Variants in MAF observed in about 807,000 individuals in gnomAD.
MAF encodes the protein MAF bZIP transcription factor, also known as transcription factor Maf.
MAF carries 10 observed loss-of-function variants against 22.0 expected under a neutral mutation model. The observed-to-expected ratio is 0.45, with a 90% CI of 0.28 to 0.77. The LOEUF is 0.77. Ranked by LOEUF, MAF falls within the 30% of genes least tolerant of loss-of-function variation. The pLI, the probability that MAF is intolerant of heterozygous loss-of-function variation, is 0.12. For synonymous variants in MAF, 337 were observed against 255.8 expected (o/e 1.32, Z -3.03); for missense variants, 544 against 548.4 (o/e 0.99, Z 0.08).
chr16:79,207,032 T>C, the MAF span, among the ~76,000 whole-genome samples: 7 of 152,314 alleles, frequency 4.6e-5, no homozygotes, highest in African/African-American at 4.8e-5. Context: ...GGAGATGACC[T>C]CTGCACTGTT....
the MAF span, among the ~76,000 whole-genome samples, chr16:79,564,345 G>A: frequency 2.0e-5 from 3 of 152,188 alleles, no homozygotes; most frequent in Non-Finnish European, 2.9e-5. Context: ...CGGGGGAGAA[G>A]GAAAGAAGAA....
chr16:79,483,835 T>C, the MAF span, among the ~76,000 whole-genome samples: 1 of 152,208 alleles, frequency 6.6e-6, no homozygotes, highest in South Asian at 2.1e-4. Context: ...AAATAAGCAA[T>C]GTGATGGTGG....
the MAF span, among the ~76,000 whole-genome samples, chr16:79,356,002 C>T: frequency 6.6e-6 from 1 of 152,226 alleles, no homozygotes; most frequent in Middle Eastern, 3.4e-3. Flanking sequence ...TTCTCCTCCC[C>T]GGAGAGCCTC....
the MAF span, among the ~76,000 whole-genome samples, chr16:79,351,784 C>A: frequency 6.6e-6 from 1 of 152,234 alleles, no homozygotes; most frequent in African/African-American, 2.4e-5. Context: ...GGGCAGAAGC[C>A]TGGAACGGCA....
At chr16:79,309,929 C>A in the MAF span, among the ~76,000 whole-genome samples, 1 of 152,174 alleles carries the variant, frequency 6.6e-6, no homozygotes, top group African/African-American at 2.4e-5. Context: ...AGAAAATTGA[C>A]TAATGCAAAT....
chr16:79,211,889 A>G, the MAF span: 108,791 of 1,574,578 alleles, frequency 0.069, 4,528 homozygotes, highest in East Asian at 0.22. Flanking sequence ...TGTCCCTCCA[A>G]CACAGATCCG....
At chr16:79,214,377 T>G in the MAF span, among the ~76,000 whole-genome samples, 6 of 152,054 alleles carry the variant, frequency 3.9e-5, no homozygotes, top group African/African-American at 1.4e-4. Flanking sequence ...TTCAGGAAAA[T>G]AATTTCCATC....
chr16:79,594,589 A>G, intron 1 of MAF, 36 bp from the exon 2 acceptor site: 2 of 1,552,446 alleles, frequency 1.3e-6, no homozygotes, highest in Non-Finnish European at 1.7e-6. Flanking sequence ...AACACTATTT[A>G]GACAAAGATC....
the MAF span, among the ~76,000 whole-genome samples, chr16:79,501,773 G>A: frequency 6.6e-6 from 1 of 152,040 alleles, no homozygotes; most frequent in African/African-American, 2.4e-5. Context: ...CTTCGGCACC[G>A]GACAATGAGA....
the MAF span, among the ~76,000 whole-genome samples, chr16:79,562,470 C>A: frequency 1.3e-5 from 2 of 152,020 alleles, no homozygotes; most frequent in African/African-American, 2.4e-5. Flanking sequence ...ATAGTTATTA[C>A]CCTTGGGAAA....
the MAF span, among the ~76,000 whole-genome samples, chr16:79,403,814 A>G: frequency 1.3e-5 from 2 of 152,214 alleles, no homozygotes; most frequent in African/African-American, 2.4e-5. Flanking sequence ...AAGGTCACCA[A>G]CGACATCACA....
the MAF span, among the ~76,000 whole-genome samples, chr16:79,573,451 C>T: frequency 1.1e-4 from 16 of 152,134 alleles, no homozygotes; most frequent in Non-Finnish European, 5.9e-5. Flanking sequence ...CTCATAAACC[C>T]ATGTTTGAAA....
chr16:79,318,728 C>T, the MAF span, among the ~76,000 whole-genome samples: 1 of 152,146 alleles, frequency 6.6e-6, no homozygotes, highest in African/African-American at 2.4e-5. Flanking sequence ...TGCACCTGTT[C>T]CCTGAATATC....
At chr16:79,305,138 G>T in the MAF span, among the ~76,000 whole-genome samples, 1 of 152,230 alleles carries the variant, frequency 6.6e-6, no homozygotes, top group Non-Finnish European at 1.5e-5. Flanking sequence ...GGTCATGCCA[G>T]CAGGCCAGGG....
the MAF span, among the ~76,000 whole-genome samples, chr16:79,284,563 T>G: frequency 6.6e-6 from 1 of 152,210 alleles, no homozygotes; most frequent in Non-Finnish European, 1.5e-5. Context: ...CTGCCAATGC[T>G]TTTCTCACAT....
the MAF span, among the ~76,000 whole-genome samples, chr16:79,511,459 C>T: frequency 6.6e-6 from 1 of 151,814 alleles, no homozygotes. Context: ...GCCAGACTGC[C>T]CAGGAAAGTT....
chr16:79,230,115 G>A, the MAF span, among the ~76,000 whole-genome samples: 4 of 152,096 alleles, frequency 2.6e-5, no homozygotes, highest in African/African-American at 9.7e-5. Context: ...ACACATACAT[G>A]CTGAGTGACT....
the MAF span, among the ~76,000 whole-genome samples, chr16:79,414,565 C>T: frequency 8.5e-5 from 13 of 152,176 alleles, no homozygotes; most frequent in Non-Finnish European, 1.6e-4. Context: ...CACATTTCAA[C>T]ATGAGATTTA....
chr16:79,287,421 A>G, the MAF span, among the ~76,000 whole-genome samples: 1 of 152,172 alleles, frequency 6.6e-6, no homozygotes, highest in East Asian at 1.9e-4. Context: ...AGCTGATGTG[A>G]GTCCACACTG....
Sources: allele counts gnomAD v4.1 joint callset (sites outside exome capture counted in the v4.1 genomes callset), GRCh38; gene constraint gnomAD v4.1.1; transcripts MANE v1.5; gene names NCBI Gene and HGNC (gene_info 2026-07-23, HGNC 2026-07-21).